NUP88: variants seen among roughly 807,000 people sequenced by gnomAD.
NUP88 encodes nuclear pore complex protein Nup88.
In NUP88, 57 loss-of-function variants were observed where a neutral mutation model predicts 93.9. That is an observed-to-expected ratio of 0.61 (90% CI 0.49 to 0.76). The LOEUF (loss-of-function observed/expected upper bound fraction) is 0.76, where lower values mean the gene tolerates loss of function less well. Ranked by LOEUF, NUP88 falls within the 30% of genes least tolerant of loss-of-function variation. The pLI is 0.00. For synonymous variants in NUP88, 346 were observed against 336.8 expected, an observed-to-expected ratio of 1.03 and a Z score of -0.30; for missense variants, 911 against 901.0, an observed-to-expected ratio of 1.01 and a Z score of -0.14.
chr17:5,399,440 G>T, intron 8 of NUP88, 112 bp downstream of exon 8: 1 of 589,448 alleles, frequency 1.7e-6, no homozygotes, highest in South Asian at 2.3e-5. Context: ...AGAACCTTTC[G>T]GTTTCACTGA....
At chr17:5,404,745 T>C (rs1353959082) in intron 6 of NUP88, among the ~76,000 whole-genome samples, 1 of 152,214 alleles carries the variant, frequency 6.6e-6, no homozygotes, top group Non-Finnish European at 1.5e-5. Context: ...TCTCTCTTCC[T>C]TTAGGAAGAT....
At chr17:5,388,147 C>G (rs943103956) in intron 11 of NUP88, 1 of 289,600 alleles carries the variant, frequency 3.5e-6, no homozygotes, top group African/African-American at 2.2e-5. Context: ...ATTACAGGTG[C>G]CCACCACCAC....
rs935524431 is a variant in NUP88, at chr17:5,398,081, A to AT, written c.1291+1470dup. Among the ~76,000 whole-genome samples, 299 of 141,206 alleles carry AT rather than the reference A, an allele frequency of 2.1e-3. 2 individuals carry two copies. The highest frequency in any genetic ancestry group is 5.8e-3 in the African/African-American group (224 of 38,554). The allele number at this position is 141,206 out of a possible 152,430, so 92.6% of individuals were successfully genotyped here. A position where few individuals can be genotyped will look rare whatever the true frequency, so the allele number is the denominator to read the frequency against. ...GCCACTATGCCTGGCTAATTTTTGT[A>AT]TTTTTTTTTTTAGTAGAGACAGGGT... On this transcript the variant is annotated intron_variant, in intron 8 of 16. Transcript: ENST00000573584.
At chr17:5,405,276 G>A (rs773977448) in intron 5 of NUP88, 33 bp from the exon 6 acceptor site, 1 of 1,584,694 alleles carries the variant, frequency 6.3e-7, no homozygotes, top group Non-Finnish European at 8.6e-7. Context: ...TTTGGGAAAT[G>A]TTGACAGTAT....
intron 13 of NUP88, 21 bp downstream of exon 13, chr17:5,387,584 C>A (rs375719448): frequency 1.2e-4 from 185 of 1,608,062 alleles, no homozygotes; most frequent in African/African-American, 1.7e-4. Context: ...CTATTGTATT[C>A]TTCTTATTTT....
rs1317200538 is a variant in NUP88, at chr17:5,385,278, A to C, written c.*928T>G. 4.3e-6 allele frequency: 1 copy of C among 230,806 alleles called. No homozygotes were observed. Among genetic ancestry groups the C allele is most frequent in the Non-Finnish European group, 8.6e-6 (1 of 116,662 alleles). The allele number at this position is 230,806 out of a possible 1,614,324, so 14.3% of individuals were successfully genotyped here. A position where few individuals can be genotyped will look rare whatever the true frequency, so the allele number is the denominator to read the frequency against. On this transcript the variant is annotated 3_prime_UTR_variant, in exon 17 of 17. Coordinates refer to ENST00000573584, the MANE Select transcript of NUP88 (RefSeq NM_002532.6). ...GGGTTTTCAGCATAAATGGGAACTGATGTAGAAGGCAGGATTTAGCCCTTC... is the reference window on the plus strand; with the variant it reads ...GGGTTTTCAGCATAAATGGGAACTGCTGTAGAAGGCAGGATTTAGCCCTTC...
rs1242929831 is a variant in NUP88, at chr17:5,410,712, A to G, written c.671T>C (p.Leu224Pro). The G allele has an allele frequency of 4.4e-6, 7 of 1,593,012 alleles. No individual in the cohort carries two copies. The South Asian group carries it at 7.8e-5, about 18-fold the overall frequency. The change falls in exon 4 of 17, where the codon CTC becomes CCC. Residue 224 changes from leucine (L) to proline (P), a missense_variant. Transcript: ENST00000573584. The stretch of plus-strand genomic sequence containing the variant: ...TCAAATAAAAACTTACCCTTTATTG[A>G]GTACTAGACTTTCCTCTTCGGCTTC... ...LSEAEEESLV[L>P]NKGRAYTASL...
intron 13 of NUP88, 66 bp from the exon 14 acceptor site, chr17:5,387,532 C>T: frequency 6.3e-7 from 1 of 1,584,930 alleles, no homozygotes; most frequent in Non-Finnish European, 8.7e-7. Flanking sequence ...CCTAATGTGG[C>T]TCAGCATCTT....
chr17:5,397,712 C>T (rs961196599), intron 8 of NUP88, among the ~76,000 whole-genome samples: 6 of 150,908 alleles, frequency 4.0e-5, no homozygotes, highest in Admixed American at 6.6e-5. Flanking sequence ...AAGCCAATAA[C>T]GGATTCAGTC....
At chr17:5,406,672 AG>A (rs1256245209) in intron 5 of NUP88, among the ~76,000 whole-genome samples, 3 of 152,146 alleles carry the variant, frequency 2.0e-5, no homozygotes, top group Non-Finnish European at 4.4e-5. Flanking sequence ...GTGTATAATC[AG>A]GGGTGTCCAA....
At chr17:5,407,981 C>G (rs961820976) in intron 5 of NUP88, among the ~76,000 whole-genome samples, 3 of 151,556 alleles carry the variant, frequency 2.0e-5, no homozygotes, top group African/African-American at 7.3e-5. Flanking sequence ...TGGCTTCCTA[C>G]TACCCTATTC....
chr17:5,409,812 A>G (rs752567855), intron 4 of NUP88, among the ~76,000 whole-genome samples: 1 of 152,336 alleles, frequency 6.6e-6, no homozygotes, highest in Non-Finnish European at 1.5e-5. Context: ...AAAGACTCTG[A>G]TAAGATATTT....
chr17:5,401,261 C>T (rs1345016786), intron 7 of NUP88, among the ~76,000 whole-genome samples: 2 of 151,886 alleles, frequency 1.3e-5, no homozygotes, highest in Non-Finnish European at 2.9e-5. Context: ...CACATGCCTG[C>T]AATCCCAGCT....
Position 5,387,366 on chromosome 17 carries a change from A to ATG in NUP88, c.1916+18_1916+19dup. The ATG allele has an allele frequency of 6.2e-7, 1 of 1,600,722 alleles. No homozygotes were observed. The highest frequency in any genetic ancestry group is 2.2e-5 in the East Asian group (1 of 44,756). On this transcript the variant is annotated intron_variant, in intron 14 of 16. Transcript: ENST00000573584. ...TGTTAGTACCTGACTAGGTAACTAA[A>ATG]TGTTATACAGCCCACTGACCTGTTC...
chr17:5,408,130 A>G (rs188360819), intron 5 of NUP88, among the ~76,000 whole-genome samples: 40 of 152,340 alleles, frequency 2.6e-4, no homozygotes, highest in African/African-American at 9.4e-4. Flanking sequence ...TGTCTAATAA[A>G]TTAAGCTTGA....
At chr17:5,416,440 C>T in intron 2 of NUP88, 73 bp downstream of exon 2, 7 of 1,088,440 alleles carry the variant, frequency 6.4e-6, no homozygotes, top group Non-Finnish European at 9.1e-6. Context: ...ACTAAACATG[C>T]TTAAGAACCA....
chr17:5,404,654 A>G (rs1913385846), intron 6 of NUP88, among the ~76,000 whole-genome samples: 1 of 152,170 alleles, frequency 6.6e-6, no homozygotes, highest in African/African-American at 2.4e-5. Flanking sequence ...AAATTGAAAA[A>G]AAAGCTGGGT....
At chr17:5,401,989 A>G (rs1336365632) in intron 7 of NUP88, among the ~76,000 whole-genome samples, 1 of 152,244 alleles carries the variant, frequency 6.6e-6, no homozygotes, top group African/African-American at 2.4e-5. Context: ...AAAATTTCTT[A>G]GTTTCACATA....
intron 1 of NUP88, chr17:5,417,939 A>C (rs1201116126): frequency 6.6e-6 from 1 of 152,194 alleles, no homozygotes; most frequent in Non-Finnish European, 1.5e-5. Context: ...CAGGAGTTCA[A>C]GACCAGCCTG....
Sources: allele counts gnomAD v4.1 joint callset (sites outside exome capture counted in the v4.1 genomes callset), GRCh38; gene constraint gnomAD v4.1.1; transcripts MANE v1.5; gene names NCBI Gene and HGNC (gene_info 2026-07-23, HGNC 2026-07-21).